Variants in MAD1L1 observed in about 807,000 individuals in gnomAD.
MAD1L1 encodes the protein mitotic arrest deficient 1 like 1.
In MAD1L1, 95 loss-of-function variants were observed where a neutral mutation model predicts 96.9. The observed-to-expected ratio is 0.98, with a 90% CI of 0.83 to 1.16. The LOEUF is 1.16. Ranked by LOEUF, MAD1L1 falls within the 50% of genes most tolerant of loss-of-function variation. The pLI is 0.00. For missense variants in MAD1L1, 1,007 were observed against 954.4 expected (o/e 1.06, Z -0.73); for synonymous variants, 473 against 396.6 (o/e 1.19, Z -2.29).
At position 2,213,206 on chromosome 7, in the gene MAD1L1, C is replaced by A; in HGVS notation, c.986+6G>T. The A allele has an allele frequency of 1.2e-6, 2 of 1,614,164 alleles. No homozygotes were observed. Among genetic ancestry groups the A allele is most frequent in the Admixed American group, 1.7e-5 (1 of 60,032 alleles). On this transcript the variant is annotated splice_donor_region_variant and intron_variant, in intron 10 of 18. Transcript: ENST00000265854. The stretch of plus-strand genomic sequence containing the variant: ...CGGGACCCCGGAGACACCTGCCCTT[C>A]CCTACCTGATGCTCAGGCCCATGGT...
intron 11 of MAD1L1, among the ~76,000 whole-genome samples, chr7:2,070,627 G>A (rs1785080367): frequency 6.6e-6 from 1 of 152,202 alleles, no homozygotes; most frequent in Non-Finnish European, 1.5e-5. Flanking sequence ...CACGGGAGCT[G>A]CACACGACTC....
At chr7:1,949,341 G>C (rs1285673249) in intron 16 of MAD1L1, among the ~76,000 whole-genome samples, 1 of 152,220 alleles carries the variant, frequency 6.6e-6, no homozygotes, top group Non-Finnish European at 1.5e-5. Flanking sequence ...CATCGCCCGG[G>C]GGGACCCGCG....
At chr7:2,209,757 C>A (rs1475196091) in intron 10 of MAD1L1, among the ~76,000 whole-genome samples, 1 of 152,224 alleles carries the variant, frequency 6.6e-6, no homozygotes. Context: ...CGCCAGCCCA[C>A]CCGGCACAGG....
chr7:2,072,779 C>T (rs1021677634), intron 11 of MAD1L1, among the ~76,000 whole-genome samples: 2 of 152,220 alleles, frequency 1.3e-5, no homozygotes, highest in African/African-American at 2.4e-5. Context: ...TAAGGGGCTG[C>T]GCTGGGAAGC....
intron 11 of MAD1L1, among the ~76,000 whole-genome samples, chr7:2,072,709 G>A (rs1050452620): frequency 6.6e-6 from 1 of 152,246 alleles, no homozygotes; most frequent in Non-Finnish European, 1.5e-5. Context: ...AGGCAAGAAT[G>A]TGACAGGTGC....
rs1017656412 is a variant in MAD1L1 at position 1,954,640 on chromosome 7, C to T, written c.1596+2989G>A. ...GCCAGATCTGGAGTTCCACGGGGTC[C>T]GCCCGATTTCTGTCTTCACTTCAGA... On this transcript the variant is annotated intron_variant, in intron 16 of 18. Transcript: ENST00000265854. Among the ~76,000 whole-genome samples, 7 of 152,310 alleles carry T rather than the reference C, an allele frequency of 4.6e-5. No homozygotes were observed. In the East Asian group the frequency reaches 9.6e-4, roughly 21 times the overall value.
chr7:2,176,086 A>T (rs1300177053), intron 10 of MAD1L1, among the ~76,000 whole-genome samples: 2 of 152,200 alleles, frequency 1.3e-5, no homozygotes, highest in Non-Finnish European at 2.9e-5. Context: ...GGTGGCTCAC[A>T]CCTGTAATCT....
Position 2,164,331 on chromosome 7 carries a change from G to A in MAD1L1, c.987-15093C>T, listed in dbSNP as rs537710365. ...GCAGAAAGCCCGCACTCTGGAGGCA[G>A]CCAGGTGAAGGGCCCAGCTGAGCCT... On this transcript the variant is annotated intron_variant, in intron 10 of 18. Transcript: ENST00000265854. 4.5e-3 allele frequency among the ~76,000 whole-genome samples: 680 copies of A among 152,342 alleles called. 5 individuals are homozygous for A. The highest frequency in any genetic ancestry group is 0.017 in the South Asian group (81 of 4,824).
chr7:2,231,330 T>C (rs1356790663), intron 1 of MAD1L1, among the ~76,000 whole-genome samples: 1 of 151,610 alleles, frequency 6.6e-6, no homozygotes, highest in African/African-American at 2.4e-5. Context: ...AATAAATAAA[T>C]AAACATAAGC....
intron 11 of MAD1L1, among the ~76,000 whole-genome samples, chr7:2,129,909 TG>T (rs1198254600): frequency 2.6e-5 from 4 of 152,138 alleles, no homozygotes; most frequent in African/African-American, 9.7e-5. Flanking sequence ...ATGGTTCCCA[TG>T]GCACCCGCTG....
Position 2,097,076 on chromosome 7 carries a change from G to A in MAD1L1, c.1074-27738C>T, listed in dbSNP as rs924814210. Among the ~76,000 whole-genome samples, 4 of 152,240 alleles carry A rather than the reference G, an allele frequency of 2.6e-5. No individual in the cohort carries two copies. The East Asian group carries it at 7.7e-4, about 29-fold the overall frequency. ...TATCCCCCACACCAGCTGCAAGGCG[G>A]GAGATGTGAAAGGGGAAGGGGGCAG... On this transcript the variant is annotated intron_variant, in intron 11 of 18. Coordinates refer to ENST00000265854, the MANE Select transcript of MAD1L1 (RefSeq NM_001013836.2).
intron 17 of MAD1L1, among the ~76,000 whole-genome samples, chr7:1,906,193 G>C (rs965846819): frequency 5.9e-5 from 9 of 152,284 alleles, no homozygotes; most frequent in African/African-American, 2.2e-4. Flanking sequence ...AGGAGGAAGA[G>C]ACGCCAGCCC....
intron 18 of MAD1L1, chr7:1,874,399 T>A: frequency 2.5e-6 from 1 of 401,922 alleles, no homozygotes; most frequent in African/African-American, 2.1e-5. Flanking sequence ...GGGACGGGGG[T>A]AAGACGGTGG....
At chr7:2,203,613 C>T (rs547761046) in intron 10 of MAD1L1, among the ~76,000 whole-genome samples, 1 of 152,350 alleles carries the variant, frequency 6.6e-6, no homozygotes, top group African/African-American at 2.4e-5. Context: ...AGTCCGTCTG[C>T]ACTCCAGCAC....
intron 16 of MAD1L1, among the ~76,000 whole-genome samples, chr7:1,945,908 G>C (rs992092666): frequency 2.0e-5 from 3 of 152,188 alleles, no homozygotes; most frequent in African/African-American, 7.2e-5. Flanking sequence ...GCACAGGCCA[G>C]TGCAGCCTCA....
At chr7:2,079,885 G>A (rs1028003087) in intron 11 of MAD1L1, 7 of 383,850 alleles carry the variant, frequency 1.8e-5, no homozygotes, top group Non-Finnish European at 3.2e-5. Flanking sequence ...CTCCAGCTCT[G>A]ACTTGGAGAA....
intron 18 of MAD1L1, among the ~76,000 whole-genome samples, chr7:1,819,210 A>AT (rs1781993754): frequency 1.3e-5 from 2 of 152,076 alleles, no homozygotes. Flanking sequence ...TTAAACTGCA[A>AT]TTTTTTAAAA....
At chr7:2,064,005 G>A (rs1422701355) in intron 12 of MAD1L1, among the ~76,000 whole-genome samples, 2 of 152,174 alleles carry the variant, frequency 1.3e-5, no homozygotes, top group Non-Finnish European at 2.9e-5. Flanking sequence ...AAGGGGGCCT[G>A]GAGCCTCTCC....
intron 11 of MAD1L1, among the ~76,000 whole-genome samples, chr7:2,122,746 G>A (rs1584376458): frequency 1.3e-5 from 2 of 152,226 alleles, no homozygotes; most frequent in South Asian, 2.1e-4. Context: ...CCAGAGCCAC[G>A]ACTGCCACCT....
Sources: gnomAD v4.1 joint callset for allele counts (sites outside exome capture counted in the v4.1 genomes callset) on GRCh38, gnomAD v4.1.1 for gene constraint, MANE v1.5 for transcripts, NCBI Gene and HGNC (gene_info 2026-07-23, HGNC 2026-07-21) for gene names.